ZC2HC1A: variants seen among roughly 807,000 people sequenced by gnomAD.
ZC2HC1A encodes zinc finger C2HC domain-containing protein 1A.
A neutral mutation model predicts 40.7 loss-of-function variants in ZC2HC1A; 28 were observed. The observed-to-expected ratio is 0.69, with a 90% CI of 0.51 to 0.94. The LOEUF is 0.94. ZC2HC1A is among the 40% of genes least tolerant of loss of function. The pLI is 0.00. For synonymous variants in ZC2HC1A, 129 were observed against 129.2 expected, an observed-to-expected ratio of 1.00 and a Z score of 0.01; for missense variants, 389 against 386.3, an observed-to-expected ratio of 1.01 and a Z score of -0.06.
intron 7 of ZC2HC1A, among the ~76,000 whole-genome samples, chr8:78,709,719 TAAA>T (rs762270772): frequency 7.7e-6 from 1 of 130,482 alleles, no homozygotes; most frequent in Non-Finnish European, 1.7e-5. Context: ...GCTGATGAAC[TAAA>T]AAAAAAAAAA....
intron 1 of ZC2HC1A, among the ~76,000 whole-genome samples, chr8:78,666,541 C>T (rs1172997401): frequency 6.6e-6 from 1 of 152,188 alleles, no homozygotes; most frequent in Non-Finnish European, 1.5e-5. Context: ...CCATTATTGT[C>T]CACGGCCTTA....
chr8:78,687,268 C>T (rs1294037342), intron 4 of ZC2HC1A, among the ~76,000 whole-genome samples: 1 of 151,630 alleles, frequency 6.6e-6, no homozygotes, highest in African/African-American at 2.4e-5. Flanking sequence ...CACATTAATG[C>T]TATGTTAGTA....
chr8:78,666,473 G>T (rs1268416558), intron 1 of ZC2HC1A, among the ~76,000 whole-genome samples: 1 of 152,204 alleles, frequency 6.6e-6, no homozygotes, highest in Non-Finnish European at 1.5e-5. Flanking sequence ...ACTCCTGAGT[G>T]CCCTTTTAGT....
intron 1 of ZC2HC1A, among the ~76,000 whole-genome samples, chr8:78,670,863 C>T (rs1451443531): frequency 6.6e-6 from 1 of 152,062 alleles, no homozygotes; most frequent in African/African-American, 2.4e-5. Flanking sequence ...TAGGTTAAGA[C>T]AAAAACTCTT....
chr8:78,713,510 A>G (rs1429720773), intron 7 of ZC2HC1A, among the ~76,000 whole-genome samples: 2 of 152,226 alleles, frequency 1.3e-5, no homozygotes, highest in Non-Finnish European at 2.9e-5. Flanking sequence ...TTCTTTGACA[A>G]TGATTTCCTA....
At position 78,718,598 on chromosome 8, in the gene ZC2HC1A, CCATT is replaced by C. The variant is rs1269029057; in HGVS notation, c.*1108_*1111del. ...ATCTTTAGCATTTAATGTTGAAACA[CCATT>C]CACGTCACATTAAGGACCCACTGAA... On this transcript the variant is annotated 3_prime_UTR_variant, in exon 9 of 9. Coordinates refer to ENST00000263849, the MANE Select transcript of ZC2HC1A (RefSeq NM_016010.3). 6 of 151,668 alleles carry C rather than the reference CCATT, an allele frequency of 4.0e-5. No individual in the cohort carries two copies. The highest frequency in any genetic ancestry group is 3.9e-4 in the Admixed American group (6 of 15,228). 9.4% of individuals were successfully genotyped at this position (151,668 alleles called of 1,614,324 possible).
At chr8:78,713,707 A>G (rs191431710) in intron 7 of ZC2HC1A, among the ~76,000 whole-genome samples, 5 of 152,332 alleles carry the variant, frequency 3.3e-5, no homozygotes, top group Admixed American at 2.6e-4. Context: ...AGAAGTAACT[A>G]TGCAAAGCAA....
chr8:78,700,207 C>T (rs1199189286), intron 7 of ZC2HC1A, among the ~76,000 whole-genome samples: 1 of 152,186 alleles, frequency 6.6e-6, no homozygotes, highest in Non-Finnish European at 1.5e-5. Flanking sequence ...TTGCGTTTCT[C>T]TAATGATCAG....
chr8:78,716,172 G>T (rs1322798184), intron 8 of ZC2HC1A, among the ~76,000 whole-genome samples: 2 of 151,262 alleles, frequency 1.3e-5, no homozygotes, highest in Non-Finnish European at 2.9e-5. Context: ...GCTCAGGCTG[G>T]AGTGCAGTGG....
chr8:78,666,470 A>C (rs1197271557), intron 1 of ZC2HC1A, among the ~76,000 whole-genome samples: 1 of 152,130 alleles, frequency 6.6e-6, no homozygotes, highest in African/African-American at 2.4e-5. Flanking sequence ...TTGACTCCTG[A>C]GTGCCCTTTT....
chr8:78,704,322 A>C (rs1810700590), intron 7 of ZC2HC1A, among the ~76,000 whole-genome samples: 1 of 146,682 alleles, frequency 6.8e-6, no homozygotes, highest in African/African-American at 2.6e-5. Flanking sequence ...CAGGAGGCAG[A>C]GGTTGCAGTG....
intron 1 of ZC2HC1A, among the ~76,000 whole-genome samples, chr8:78,671,244 A>G (rs1181735496): frequency 6.6e-6 from 1 of 152,262 alleles, no homozygotes; most frequent in Non-Finnish European, 1.5e-5. Flanking sequence ...ACCATCATGC[A>G]GGTTTTGAAG....
intron 2 of ZC2HC1A, 81 bp downstream of exon 2, chr8:78,675,944 A>T (rs1809565532): frequency 8.1e-7 from 1 of 1,233,730 alleles, no homozygotes; most frequent in African/African-American, 1.5e-5. Context: ...CATGGGAAGA[A>T]TTTACGTGGA....
intron 2 of ZC2HC1A, among the ~76,000 whole-genome samples, chr8:78,677,276 T>C (rs1809611433): frequency 6.6e-6 from 1 of 152,058 alleles, no homozygotes; most frequent in Non-Finnish European, 1.5e-5. Context: ...GTTGGCTTAT[T>C]GGAGGTCATT....
chr8:78,716,570 A>C (rs926384784), intron 8 of ZC2HC1A, among the ~76,000 whole-genome samples: 3 of 152,166 alleles, frequency 2.0e-5, no homozygotes, highest in African/African-American at 7.2e-5. Context: ...CTTGTGACCA[A>C]GGAGAGAGAC....
At chr8:78,699,943 T>C (rs1366603332) in intron 7 of ZC2HC1A, among the ~76,000 whole-genome samples, 1 of 152,130 alleles carries the variant, frequency 6.6e-6, no homozygotes, top group East Asian at 1.9e-4. Flanking sequence ...TGTGTGTCTT[T>C]ATAATAGAAT....
chr8:78,687,646 T>TTATGTAA (rs1810044000), intron 4 of ZC2HC1A, among the ~76,000 whole-genome samples: 1 of 130,054 alleles, frequency 7.7e-6, no homozygotes, highest in African/African-American at 2.8e-5. Flanking sequence ...ATATATATAT[T>TTATGTAA]TACGTAATAC....
At chr8:78,716,591 A>G (rs1269039952) in intron 8 of ZC2HC1A, among the ~76,000 whole-genome samples, 1 of 152,194 alleles carries the variant, frequency 6.6e-6, no homozygotes, top group Non-Finnish European at 1.5e-5. Flanking sequence ...TTGAAACCTA[A>G]GGATCTCTAT....
intron 3 of ZC2HC1A, among the ~76,000 whole-genome samples, chr8:78,682,179 A>T (rs923092803): frequency 1.5e-4 from 23 of 152,184 alleles, no homozygotes; most frequent in African/African-American, 5.5e-4. Flanking sequence ...AGCCAGCATC[A>T]TGTTTAGTGG....
Sources: gnomAD v4.1 joint callset for allele counts (sites outside exome capture counted in the v4.1 genomes callset) on GRCh38, gnomAD v4.1.1 for gene constraint, MANE v1.5 for transcripts, NCBI Gene and HGNC (gene_info 2026-07-23, HGNC 2026-07-21) for gene names.